The following RAD51B variants were observed in gnomAD, a reference collection of about 807,000 sequenced individuals.
RAD51B encodes DNA repair protein RAD51 homolog 2.
Under a neutral mutation model 42.2 loss-of-function variants are expected in RAD51B, and 38 were observed. The ratio of observed to expected loss-of-function variants is 0.90; its 90% CI spans 0.70 to 1.18. The LOEUF (loss-of-function observed/expected upper bound fraction) is 1.18, where lower values mean the gene tolerates loss of function less well. Among genes scored for constraint, RAD51B ranks in the 50% most tolerant of loss-of-function variants. RAD51B has a pLI of 0.00. For missense variants in RAD51B, 373 were observed against 400.7 expected (o/e 0.93, Z 0.59); for synonymous variants, 154 against 145.2 (o/e 1.06, Z -0.43).
intron 11 of RAD51B, among the ~76,000 whole-genome samples, chr14:68,661,220 C>A (rs912401003): frequency 3.9e-5 from 6 of 152,172 alleles, no homozygotes; most frequent in Admixed American, 3.9e-4. Flanking sequence ...AGGAAAGGAA[C>A]GGAAAGGGAA....
intron 7 of RAD51B, among the ~76,000 whole-genome samples, chr14:68,277,634 G>A (rs1011462090): frequency 1.3e-5 from 2 of 151,954 alleles, no homozygotes; most frequent in Non-Finnish European, 2.9e-5. Flanking sequence ...TATATATATG[G>A]CCCGTTCATT....
intron 10 of RAD51B, chr14:68,497,027 T>C (rs1884576991): frequency 1.7e-6 from 2 of 1,199,906 alleles, no homozygotes; most frequent in Admixed American, 2.6e-5. Context: ...TCCCCATAAC[T>C]TCAATAAACA....
intron 10 of RAD51B, among the ~76,000 whole-genome samples, chr14:68,557,632 C>T (rs1347393226): frequency 6.6e-6 from 1 of 152,136 alleles, no homozygotes; most frequent in Non-Finnish European, 1.5e-5. Context: ...GAAGTTACTC[C>T]TAGAAGGGGC....
chr14:67,963,622 A>G (rs1010966508), intron 7 of RAD51B, among the ~76,000 whole-genome samples: 2 of 151,982 alleles, frequency 1.3e-5, no homozygotes, highest in African/African-American at 2.4e-5. Flanking sequence ...TTCATTCCTG[A>G]TCTCAGTTTC....
At chr14:68,468,351 C>T (rs570881004) in intron 10 of RAD51B, 101 bp downstream of exon 10, 28 of 1,306,458 alleles carry the variant, frequency 2.1e-5, no homozygotes, top group African/African-American at 4.4e-5. Flanking sequence ...TAGCTCCAGA[C>T]AGAATCAAAA....
At chr14:67,864,687 T>C in intron 4 of RAD51B, 1 of 453,514 alleles carries the variant, frequency 2.2e-6, no homozygotes, top group Non-Finnish European at 4.3e-6. Context: ...TATGATGGTA[T>C]AAATGAGTGA....
chr14:67,923,983 T>C (rs1314961858), intron 7 of RAD51B, among the ~76,000 whole-genome samples: 1 of 152,208 alleles, frequency 6.6e-6, no homozygotes, highest in Non-Finnish European at 1.5e-5. Flanking sequence ...ATTAGTGATG[T>C]TGAGCATTTT....
At chr14:68,251,729 T>C (rs1952547307) in intron 7 of RAD51B, among the ~76,000 whole-genome samples, 1 of 152,224 alleles carries the variant, frequency 6.6e-6, no homozygotes, top group Non-Finnish European at 1.5e-5. Context: ...CTTTCAGTGC[T>C]GTGCTTTTCC....
intron 7 of RAD51B, among the ~76,000 whole-genome samples, chr14:68,227,641 A>C (rs1361374869): frequency 6.6e-6 from 1 of 152,162 alleles, no homozygotes; most frequent in East Asian, 1.9e-4. Flanking sequence ...TTTGAGACCA[A>C]ACCCCTCCCA....
chr14:68,591,585 T>C (rs1489808087), intron 10 of RAD51B, among the ~76,000 whole-genome samples: 3 of 152,220 alleles, frequency 2.0e-5, no homozygotes, highest in Non-Finnish European at 4.4e-5. Flanking sequence ...TCTTCTTCCC[T>C]GGGCCTCTGC....
At chr14:68,429,929 G>A (rs1211417519) in intron 9 of RAD51B, among the ~76,000 whole-genome samples, 1 of 152,188 alleles carries the variant, frequency 6.6e-6, no homozygotes, top group Non-Finnish European at 1.5e-5. Flanking sequence ...TTTGTACAAG[G>A]TGTATGGAAG....
At chr14:68,452,659 A>G (rs1371752125) in intron 9 of RAD51B, among the ~76,000 whole-genome samples, 1 of 152,174 alleles carries the variant, frequency 6.6e-6, no homozygotes, top group African/African-American at 2.4e-5. Context: ...CAAGTTACTA[A>G]CTTTTCTGCA....
chr14:67,945,426 T>C (rs185424604), intron 7 of RAD51B, among the ~76,000 whole-genome samples: 1 of 152,316 alleles, frequency 6.6e-6, no homozygotes, highest in East Asian at 1.9e-4. Flanking sequence ...TTTCACACAA[T>C]ACCAAGTTCT....
intron 4 of RAD51B, among the ~76,000 whole-genome samples, chr14:67,858,411 A>G (rs1227349820): frequency 3.3e-5 from 5 of 152,184 alleles, no homozygotes; most frequent in Non-Finnish European, 7.3e-5. Flanking sequence ...TCTTCCCCGA[A>G]GTCCAGCTGT....
intron 9 of RAD51B, among the ~76,000 whole-genome samples, chr14:68,456,558 T>C (rs2085691273): frequency 6.6e-6 from 1 of 152,182 alleles, no homozygotes; most frequent in Non-Finnish European, 1.5e-5. Context: ...TATGTGCACC[T>C]AACACCTATG....
chr14:67,888,448 A>G lies in RAD51B; in HGVS notation c.756+1244A>G, dbSNP rs374418904. 6.6e-5 allele frequency among the ~76,000 whole-genome samples: 10 copies of G among 152,202 alleles called. 1 individual carries two copies. The highest frequency in any genetic ancestry group is 2.2e-4 in the African/African-American group (9 of 41,538). On this transcript the variant is annotated intron_variant, in intron 7 of 10. Transcript: ENST00000471583. ...AAGATAGGAGATATTTGAAAAAGCA[A>G]TGGGTGTGGTAGTGTGCCCCTGCAG...
At position 68,221,000 on chromosome 14, in the gene RAD51B, G is replaced by A. The variant is rs140174197; in HGVS notation, c.757-70884G>A. On this transcript the variant is annotated intron_variant, in intron 7 of 10. Transcript: ENST00000471583. ...ACAAAAATTAGCTGGGCATGGTGGC[G>A]CACACCTGTAGTCCCAGTTACTCAG... 5.5e-3 allele frequency among the ~76,000 whole-genome samples: 842 copies of A among 152,108 alleles called. 7 individuals carry two copies. The highest frequency in any genetic ancestry group is 0.019 in the African/African-American group (809 of 41,496).
At chr14:68,106,632 C>T (rs919072715) in intron 7 of RAD51B, among the ~76,000 whole-genome samples, 3 of 151,886 alleles carry the variant, frequency 2.0e-5, no homozygotes, top group Admixed American at 2.0e-4. Flanking sequence ...CCATTCCATG[C>T]AGGGTATGGT....
chr14:67,932,419 C>T (rs536261610), intron 7 of RAD51B, among the ~76,000 whole-genome samples: 1 of 152,206 alleles, frequency 6.6e-6, no homozygotes, highest in South Asian at 2.1e-4. Context: ...CTAGGCAGGC[C>T]ACTTTTTGGG....
Sources: allele counts gnomAD v4.1 joint callset (sites outside exome capture counted in the v4.1 genomes callset), GRCh38; gene constraint gnomAD v4.1.1; transcripts MANE v1.5; gene names NCBI Gene and HGNC (gene_info 2026-07-23, HGNC 2026-07-21).